The following LINGO2 variants were observed in gnomAD, a reference collection of about 807,000 sequenced individuals.
The protein encoded by LINGO2 is leucine rich repeat and Ig domain containing 2.
In LINGO2, 14 loss-of-function variants were observed where a neutral mutation model predicts 30.6. That is an observed-to-expected ratio of 0.46 (90% CI 0.30 to 0.72). LINGO2 has a LOEUF of 0.72. Among genes scored for constraint, LINGO2 ranks in the 30% least tolerant of loss-of-function variants. The probability of loss-of-function intolerance (pLI) is 0.07; values close to 1 mark genes in which losing one functional copy is unlikely to be tolerated. For synonymous variants in LINGO2, 317 were observed against 288.5 expected, an observed-to-expected ratio of 1.10 and a Z score of -1.00; for missense variants, 729 against 751.7, an observed-to-expected ratio of 0.97 and a Z score of 0.35.
rs1821280710 is a variant in LINGO2 at position 28,379,933 on chromosome 9, A to G, written c.-278-7065T>C. ...TAACATTTTAGCTAGAGAAATTTGA[A>G]GTAACAAGAGGAAGAATACTAACTA... On this transcript the variant is annotated intron_variant, in intron 2 of 5. Transcript: ENST00000379992. Among the ~76,000 whole-genome samples the G allele has an allele frequency of 5.9e-5, 9 of 152,216 alleles. No individual in the cohort carries two copies. The South Asian group carries it at 1.9e-3, about 32-fold the overall frequency.
At position 28,352,221 on chromosome 9, in the gene LINGO2, G is replaced by C. The variant is rs1256148311; in HGVS notation, c.-246+20615C>G. On this transcript the variant is annotated intron_variant, in intron 3 of 5. Coordinates refer to ENST00000379992, the Ensembl canonical transcript of LINGO2. ...AGAGGAAGTCAAATTGTCCCTGTTT[G>C]CAGACGAAATGATTGTATATCTAGA... Among the ~76,000 whole-genome samples the C allele has an allele frequency of 2.0e-5, 3 of 152,108 alleles. No individual in the cohort carries two copies. In the East Asian group the frequency reaches 5.8e-4, roughly 29 times the overall value.
chr9:28,164,540 C>T (rs1275935828), intron 4 of LINGO2, among the ~76,000 whole-genome samples: 1 of 152,044 alleles, frequency 6.6e-6, no homozygotes, highest in Non-Finnish European at 1.5e-5. Context: ...TATCTGTCAC[C>T]AGAGCCCATC....
At chr9:29,132,211 G>A in the LINGO2 span, among the ~76,000 whole-genome samples, 1,353 of 152,050 alleles carry the variant, frequency 8.9e-3, 27 homozygotes, top group African/African-American at 0.031. Flanking sequence ...CACGTTCCTC[G>A]AGGGGGGGAA....
At chr9:28,684,897 C>G in the LINGO2 span, among the ~76,000 whole-genome samples, 1 of 152,024 alleles carries the variant, frequency 6.6e-6, no homozygotes, top group East Asian at 1.9e-4. Flanking sequence ...TTGCATGTTG[C>G]GTGGGTTTGA....
chr9:28,410,524 A>T (rs1822717662), intron 2 of LINGO2, among the ~76,000 whole-genome samples: 1 of 152,112 alleles, frequency 6.6e-6, no homozygotes, highest in Non-Finnish European at 1.5e-5. Context: ...AACAAAAATG[A>T]GGGCCAGAGC....
At chr9:28,117,256 C>T (rs1228152648) in intron 4 of LINGO2, among the ~76,000 whole-genome samples, 1 of 151,716 alleles carries the variant, frequency 6.6e-6, no homozygotes. Flanking sequence ...CTTGAGGAGG[C>T]AGTCTGCCCG....
At chr9:28,986,317 C>G in the LINGO2 span, among the ~76,000 whole-genome samples, 1 of 151,998 alleles carries the variant, frequency 6.6e-6, no homozygotes, top group African/African-American at 2.4e-5. Context: ...GTGATGCCTA[C>G]AGCTTTGTTC....
At position 28,294,358 on chromosome 9, in the gene LINGO2, T is replaced by C. The variant is rs141535929; in HGVS notation, c.-87+850A>G. On this transcript the variant is annotated intron_variant, in intron 4 of 5. Transcript: ENST00000379992. The stretch of plus-strand genomic sequence containing the variant: ...ATCCATTGCTTTCTAAATAAAGGAA[T>C]TTTACATACTTTTTTCCGTTTCTAT... Among the ~76,000 whole-genome samples, 4 of 152,320 alleles carry C rather than the reference T, an allele frequency of 2.6e-5. No individual in the cohort carries two copies. In the East Asian group the frequency reaches 7.7e-4, roughly 29 times the overall value.
exon 6 of LINGO2, chr9:27,948,973 T>C (rs1375674116): frequency 6.2e-7 from 1 of 1,613,780 alleles, no homozygotes; most frequent in Non-Finnish European, 8.5e-7. Context: ...TTCCCTCGGC[T>C]CCACACAAAA....
chr9:29,076,860 T>C, the LINGO2 span, among the ~76,000 whole-genome samples: 2 of 151,896 alleles, frequency 1.3e-5, no homozygotes, highest in Non-Finnish European at 2.9e-5. Context: ...GTGTTCAGAA[T>C]AATGTATGGA....
chr9:28,209,220 A>G lies in LINGO2; in HGVS notation c.-87+85988T>C, dbSNP rs141737113. On this transcript the variant is annotated intron_variant, in intron 4 of 5. Coordinates refer to ENST00000379992, the Ensembl canonical transcript of LINGO2. ...CGATGACATTGACTTTAGTTTTAAC[A>G]CATTAGAGATTTTCATACATCAAAT... Among the ~76,000 whole-genome samples the G allele has an allele frequency of 2.9e-3, 438 of 152,154 alleles. 11 individuals carry two copies. The South Asian group carries it at 0.052, about 18-fold the overall frequency.
At chr9:29,080,373 A>G in the LINGO2 span, among the ~76,000 whole-genome samples, 3 of 151,292 alleles carry the variant, frequency 2.0e-5, no homozygotes, top group African/African-American at 7.3e-5. Flanking sequence ...ATCAATTTTG[A>G]TGATCTTTTC....
chr9:28,734,360 T>C, the LINGO2 span, among the ~76,000 whole-genome samples: 2 of 152,138 alleles, frequency 1.3e-5, no homozygotes, highest in Admixed American at 6.5e-5. Context: ...CTACTCAGAA[T>C]GGTGCACAAT....
chr9:28,878,645 C>G, the LINGO2 span, among the ~76,000 whole-genome samples: 1 of 152,290 alleles, frequency 6.6e-6, no homozygotes, highest in South Asian at 2.1e-4. Flanking sequence ...CCACCAGGAT[C>G]AAGTGGGCTT....
intron 1 of LINGO2, among the ~76,000 whole-genome samples, chr9:28,612,972 A>T (rs1158961726): frequency 6.6e-6 from 1 of 152,080 alleles, no homozygotes; most frequent in Non-Finnish European, 1.5e-5. Flanking sequence ...GGTTTCCCCT[A>T]TGCTGTTCTC....
intron 4 of LINGO2, among the ~76,000 whole-genome samples, chr9:28,256,784 T>C (rs1190966263): frequency 6.6e-6 from 1 of 151,970 alleles, no homozygotes; most frequent in Non-Finnish European, 1.5e-5. Context: ...ATTATATTCT[T>C]ATTTTAGAAA....
chr9:28,779,561 T>A, the LINGO2 span, among the ~76,000 whole-genome samples: 11 of 152,180 alleles, frequency 7.2e-5, no homozygotes, highest in African/African-American at 2.7e-4. Context: ...AGATAGTCAA[T>A]GAGTTTATAA....
At chr9:28,314,135 C>T (rs1055528319) in intron 3 of LINGO2, among the ~76,000 whole-genome samples, 2 of 152,050 alleles carry the variant, frequency 1.3e-5, no homozygotes, top group African/African-American at 2.4e-5. Flanking sequence ...GGGGTTTCAC[C>T]ATGTTAGCCA....
chr9:28,309,274 C>G (rs1483768453), intron 3 of LINGO2, among the ~76,000 whole-genome samples: 1 of 152,066 alleles, frequency 6.6e-6, no homozygotes, highest in Non-Finnish European at 1.5e-5. Context: ...GAGTTCATGT[C>G]CTTTGTAGGG....
Sources: allele counts gnomAD v4.1 joint callset (sites outside exome capture counted in the v4.1 genomes callset), GRCh38; gene constraint gnomAD v4.1.1; transcripts MANE v1.5; gene names NCBI Gene and HGNC (gene_info 2026-07-23, HGNC 2026-07-21).